The following CDH13 variants were observed in gnomAD, a reference collection of about 807,000 sequenced individuals.
The protein encoded by CDH13 is cadherin-13.
A neutral mutation model predicts 63.8 loss-of-function variants in CDH13; 24 were observed. The ratio of observed to expected loss-of-function variants is 0.38; its 90% confidence interval spans 0.27 to 0.53. The LOEUF is 0.53. Among genes scored for constraint, CDH13 ranks in the 20% least tolerant of loss-of-function variants. CDH13 has a pLI of 0.85. For synonymous variants in CDH13, 503 were observed against 355.3 expected (o/e 1.42, Z -4.67); for missense variants, 1,049 against 903.1 (o/e 1.16, Z -2.07).
intron 4 of CDH13, among the ~76,000 whole-genome samples, chr16:83,176,174 G>C (rs2038114745): frequency 6.7e-6 from 1 of 148,220 alleles, no homozygotes; most frequent in Non-Finnish European, 1.5e-5. Flanking sequence ...AAATTAATAT[G>C]CTTCAACACA....
chr16:82,798,854 T>C (rs543449394), intron 1 of CDH13, among the ~76,000 whole-genome samples: 52 of 152,212 alleles, frequency 3.4e-4, no homozygotes, highest in African/African-American at 1.2e-3. Flanking sequence ...AGTGCTTAAA[T>C]GGATATCTTA....
chr16:82,795,731 G>T (rs9939793), intron 1 of CDH13, among the ~76,000 whole-genome samples: 21,001 of 152,016 alleles, frequency 0.14, 1,561 homozygotes, highest in Non-Finnish European at 0.16. Context: ...GCTCACTTCT[G>T]AGCTCTGGAC....
chr16:82,736,297 T>C (rs1180822847), intron 1 of CDH13, among the ~76,000 whole-genome samples: 4 of 152,122 alleles, frequency 2.6e-5, no homozygotes, highest in South Asian at 2.1e-4. Context: ...TGTTTAACTC[T>C]GGAGGTTAAG....
At chr16:82,976,589 C>A (rs1271914253) in intron 2 of CDH13, among the ~76,000 whole-genome samples, 1 of 152,112 alleles carries the variant, frequency 6.6e-6, no homozygotes, top group African/African-American at 2.4e-5. Context: ...GCCCCAGATA[C>A]CCATTTTACA....
intron 7 of CDH13, among the ~76,000 whole-genome samples, chr16:83,570,154 C>G (rs961202273): frequency 6.6e-6 from 1 of 152,150 alleles, no homozygotes; most frequent in Non-Finnish European, 1.5e-5. Context: ...GGCCAGAAAG[C>G]AAAGCAAAGG....
intron 6 of CDH13, among the ~76,000 whole-genome samples, chr16:83,460,625 A>T (rs1004384264): frequency 1.3e-5 from 2 of 152,194 alleles, no homozygotes; most frequent in Non-Finnish European, 2.9e-5. Flanking sequence ...GAGTTCAAAA[A>T]AACAGGAAAA....
At chr16:83,740,422 G>A (rs3826124) in intron 10 of CDH13, among the ~76,000 whole-genome samples, 35,199 of 151,848 alleles carry the variant, frequency 0.23, 4,602 homozygotes, top group East Asian at 0.59. Flanking sequence ...CTTACCACCT[G>A]CCTCCTACAA....
At chr16:82,873,890 A>G (rs138824754) in intron 2 of CDH13, among the ~76,000 whole-genome samples, 3 of 152,000 alleles carry the variant, frequency 2.0e-5, no homozygotes, top group Non-Finnish European at 4.4e-5. Flanking sequence ...AAGTATTTTC[A>G]TGTTCTAGGG....
chr16:83,376,783 A>C (rs141738189), intron 6 of CDH13, among the ~76,000 whole-genome samples: 116 of 152,264 alleles, frequency 7.6e-4, no homozygotes, highest in African/African-American at 2.6e-3. Flanking sequence ...ATTCTAGGTG[A>C]GGAGGGGACA....
chr16:83,387,321 C>G (rs1315326543), intron 6 of CDH13, among the ~76,000 whole-genome samples: 1 of 152,306 alleles, frequency 6.6e-6, no homozygotes, highest in East Asian at 1.9e-4. Context: ...AGTTCTTATT[C>G]TCCACTGAGA....
chr16:83,396,293 C>T (rs2091885740), intron 6 of CDH13, among the ~76,000 whole-genome samples: 1 of 152,122 alleles, frequency 6.6e-6, no homozygotes, highest in Non-Finnish European at 1.5e-5. Flanking sequence ...CCATTCTCTA[C>T]CTCGTAGGAT....
chr16:82,736,133 A>C (rs1009989978), intron 1 of CDH13, among the ~76,000 whole-genome samples: 1 of 152,156 alleles, frequency 6.6e-6, no homozygotes, highest in Admixed American at 6.5e-5. Context: ...TTTGCTTTCT[A>C]TGTTTCTCCT....
chr16:82,874,653 G>A (rs2040447535), intron 2 of CDH13, among the ~76,000 whole-genome samples: 1 of 152,098 alleles, frequency 6.6e-6, no homozygotes, highest in Admixed American at 6.5e-5. Context: ...TTCCAAATGA[G>A]GAAACATTGA....
At chr16:83,476,764 G>A (rs1334027930) in intron 6 of CDH13, among the ~76,000 whole-genome samples, 2 of 152,064 alleles carry the variant, frequency 1.3e-5, no homozygotes, top group African/African-American at 2.4e-5. Flanking sequence ...AAAATATATT[G>A]GAGAGTTACA....
At chr16:83,508,921 C>T (rs2074489161) in intron 7 of CDH13, among the ~76,000 whole-genome samples, 1 of 152,208 alleles carries the variant, frequency 6.6e-6, no homozygotes, top group Non-Finnish European at 1.5e-5. Context: ...TGTACTTTCT[C>T]ATGCTGCTAA....
At chr16:82,739,470 T>C (rs774059127) in intron 1 of CDH13, among the ~76,000 whole-genome samples, 7 of 152,190 alleles carry the variant, frequency 4.6e-5, no homozygotes, top group Non-Finnish European at 1.0e-4. Context: ...TCTTGGTAAA[T>C]TTTAAGAGTG....
intron 9 of CDH13, 91 bp downstream of exon 9, chr16:83,671,063 C>G: frequency 1.8e-6 from 2 of 1,111,962 alleles, no homozygotes; most frequent in Non-Finnish European, 2.6e-6. Flanking sequence ...TAGAAGGCCA[C>G]AGATAAATTC....
chr16:82,874,152 C>A (rs1383335073), intron 2 of CDH13, among the ~76,000 whole-genome samples: 1 of 151,814 alleles, frequency 6.6e-6, no homozygotes, highest in Non-Finnish European at 1.5e-5. Flanking sequence ...GAATGTTTAC[C>A]CTCAGTAGGA....
In CDH13 at chr16:82,642,399, A is replaced by G. The variant is rs996991540; in HGVS notation, c.45+15262A>G. Among the ~76,000 whole-genome samples, 6 of 152,264 alleles carry G rather than the reference A, an allele frequency of 3.9e-5. No individual in the cohort carries two copies. The East Asian group carries it at 9.6e-4, about 24-fold the overall frequency. On this transcript the variant is annotated intron_variant, in intron 1 of 13. Coordinates refer to ENST00000567109, the MANE Select transcript of CDH13 (RefSeq NM_001257.5). ...TATTGTAATCAATAGGGAACAATGT[A>G]TAATGCACGCAGTAATGTACAGGGC...
Sources: gnomAD v4.1 joint callset for allele counts (sites outside exome capture counted in the v4.1 genomes callset) on GRCh38, gnomAD v4.1.1 for gene constraint, MANE v1.5 for transcripts, NCBI Gene and HGNC (gene_info 2026-07-23, HGNC 2026-07-21) for gene names.